TAPBPL: variants seen among roughly 807,000 people sequenced by gnomAD.
TAPBPL encodes the protein tapasin-related protein.
A neutral mutation model predicts 44.8 loss-of-function variants in TAPBPL; 32 were observed. The ratio of observed to expected loss-of-function variants is 0.71; its 90% CI spans 0.54 to 0.96. The LOEUF (loss-of-function observed/expected upper bound fraction) is 0.96. Among genes scored for constraint, TAPBPL ranks in the 40% least tolerant of loss-of-function variants. The probability of loss-of-function intolerance (pLI) is 0.00; values close to 1 mark genes in which losing one functional copy is unlikely to be tolerated. For synonymous variants in TAPBPL, 230 were observed against 240.7 expected (o/e 0.96, Z 0.41); for missense variants, 520 against 586.6 (o/e 0.89, Z 1.17).
chr12:6,467,924 G>A (rs954694929), downstream of TAPBPL, among the ~76,000 whole-genome samples: 2 of 152,152 alleles, frequency 1.3e-5, no homozygotes, highest in Non-Finnish European at 2.9e-5. Context: ...TGCACAGAAG[G>A]CAAGAACTGA....
chr12:6,453,659 C>T lies in TAPBPL; in HGVS notation c.508C>T (p.Leu170Phe), dbSNP rs1008173271. The change falls in exon 3 of 7, where the codon CTC becomes TTC. Residue 170 changes from leucine (L) to phenylalanine (F), a missense_variant. By Grantham distance (22) the Leu-to-Phe change is conservative. Transcript: ENST00000266556. This position sits in a 1 kb window ranked among gnomAD's most constrained non-coding sequence, Gnocchi z 4.8. ...KTPRVTKNEA[L>F]WHPTLNLPLS... ...TCCCAGGGTCACCAAGAATGAGGCGCTCTGGCACCCGACGCTGAACTTGCC... is the reference window on the plus strand; with the variant it reads ...TCCCAGGGTCACCAAGAATGAGGCGTTCTGGCACCCGACGCTGAACTTGCC... The T allele has an allele frequency of 1.9e-6, 3 of 1,613,442 alleles. No individual in the cohort carries two copies. The highest frequency in any genetic ancestry group is 1.3e-5 in the African/African-American group (1 of 74,906).
chr12:6,458,043 G>A (rs1296326921), intron 4 of TAPBPL, among the ~76,000 whole-genome samples: 1 of 152,170 alleles, frequency 6.6e-6, no homozygotes, highest in Non-Finnish European at 1.5e-5. Flanking sequence ...AGCAAACCAA[G>A]GCAGAGCAGT....
chr12:6,464,810 C>CCAGGCAGG (rs993116216), downstream of TAPBPL: 4 of 1,604,208 alleles, frequency 2.5e-6, no homozygotes, highest in South Asian at 1.1e-5. Flanking sequence ...GCCCCACTCC[C>CCAGGCAGG]CAGGCAGGCA....
rs1391546404 is a variant in TAPBPL at position 6,453,789 on chromosome 12, C to T, written c.565+73C>T. 18 of 1,462,690 alleles carry T rather than the reference C, an allele frequency of 1.2e-5. No individual in the cohort carries two copies. The highest frequency in any genetic ancestry group is 9.7e-5 in the East Asian group (4 of 41,406). 90.6% of individuals were successfully genotyped at this position (1,462,690 alleles called of 1,614,324 possible). ...TTCCAGAATTTTGGGATACCGAGGTCGGTGGATCACCTGAGGTCAGGAGTT... is the reference window on the plus strand; with the variant it reads ...TTCCAGAATTTTGGGATACCGAGGTTGGTGGATCACCTGAGGTCAGGAGTT... On this transcript the variant is annotated intron_variant, in intron 3 of 6. Coordinates refer to ENST00000266556, the MANE Select transcript of TAPBPL (RefSeq NM_018009.5). This position sits in a 1 kb window ranked among gnomAD's most constrained non-coding sequence, Gnocchi z 4.8.
intron 5 of TAPBPL, among the ~76,000 whole-genome samples, chr12:6,459,921 C>G (rs887216043): frequency 6.6e-6 from 1 of 151,932 alleles, no homozygotes; most frequent in Admixed American, 6.6e-5. Flanking sequence ...CAGGCGCGCA[C>G]CACCACGCCT....
chr12:6,458,784 T>C lies in TAPBPL; in HGVS notation c.1044T>C (p.Ser348=), dbSNP rs149203031. 112 of 1,614,168 alleles carry C rather than the reference T, an allele frequency of 6.9e-5. 1 individual carries two copies. In the African/African-American group the frequency reaches 1.3e-3, roughly 19 times the overall value. Residue 348 remains serine (S), a synonymous_variant, in exon 5 of 7, where the codon TCT becomes TCC. Coordinates refer to ENST00000266556, the MANE Select transcript of TAPBPL (RefSeq NM_018009.5). ...TGGGTGGATCCCCAGCCCAAGTCTC[T>C]GGTGCCTCCTTCTCCAGCCTCAGGC... ...EELGGSPAQV[S]GASFSSLRQS... is the part of the protein sequence containing the mutation.
chr12:6,452,353 T>C, intron 1 of TAPBPL, 41 bp downstream of exon 1: 1 of 1,553,898 alleles, frequency 6.4e-7, no homozygotes, highest in Non-Finnish European at 8.7e-7. Flanking sequence ...GGAGAAGAGC[T>C]ACTGAAGCCC....
At chr12:6,452,927 T>C in intron 1 of TAPBPL, 140 bp from the exon 2 acceptor site, 1 of 885,076 alleles carries the variant, frequency 1.1e-6, no homozygotes, top group South Asian at 1.7e-5. Context: ...GACGGGAGAA[T>C]AGAGGGACAC....
Position 6,460,887 on chromosome 12 carries a change from A to G in TAPBPL, c.1240A>G (p.Ser414Gly). The change falls in exon 6 of 7, where the codon AGC becomes GGC. Residue 414 changes from serine (S) to glycine (G), a missense_variant. Ser to Gly is a moderately conservative substitution (Grantham distance 56). Transcript: ENST00000266556. ...RRTALGVIFA[S>G]SLFLLALMFL... ...AACAGCCTTGGGAGTCATCTTTGCC[A>G]GCAGTCTCTTCCTTCTTGCACTGAT... The G allele has an allele frequency of 6.2e-7, 1 of 1,614,100 alleles. No individual in the cohort carries two copies. The highest frequency in any genetic ancestry group is 1.7e-5 in the Admixed American group (1 of 60,016).
intron 6 of TAPBPL, 114 bp from the exon 7 acceptor site, chr12:6,461,920 C>T: frequency 1.2e-6 from 1 of 806,704 alleles, no homozygotes; most frequent in Non-Finnish European, 2.0e-6. Context: ...GACAAGCAGG[C>T]CAAGGACCTA....
intron 5 of TAPBPL, among the ~76,000 whole-genome samples, chr12:6,460,282 T>G (rs1949814558): frequency 6.6e-6 from 1 of 152,080 alleles, no homozygotes; most frequent in Non-Finnish European, 1.5e-5. Flanking sequence ...TTGTTTTGTT[T>G]TGAGATAGGG....
chr12:6,458,521 C>T (rs990811244), intron 4 of TAPBPL, 124 bp from the exon 5 acceptor site: 12 of 1,190,576 alleles, frequency 1.0e-5, no homozygotes, highest in Non-Finnish European at 1.4e-5. Context: ...CGCCTTGGTA[C>T]ACCACCAAGG....
downstream of TAPBPL, chr12:6,470,567 CGGAGGCTGCGGCGAGACACCCGGTGAG>C (rs1945748013): frequency 6.2e-7 from 1 of 1,613,602 alleles, no homozygotes; most frequent in Non-Finnish European, 8.5e-7. Context: ...TGTTCCTCTC[CGGAGGCTGCGGCGAGACACCCGGTGAG>C]GGACGCTGCG....
intron 1 of TAPBPL, chr12:6,452,591 A>G (rs1414468327): frequency 7.4e-7 from 1 of 1,342,892 alleles, no homozygotes; most frequent in African/African-American, 1.5e-5. Context: ...CTGGGAGCTG[A>G]CACTTCAGAA....
chr12:6,459,729 T>A (rs1468493426), intron 5 of TAPBPL, among the ~76,000 whole-genome samples: 4 of 44,702 alleles, frequency 8.9e-5, no homozygotes, highest in Non-Finnish European at 1.9e-4. Flanking sequence ...AAAGGTTTTA[T>A]TTATTTATTT....
intron 3 of TAPBPL, among the ~76,000 whole-genome samples, chr12:6,456,691 C>T (rs1198672792): frequency 7.0e-6 from 1 of 143,608 alleles, no homozygotes; most frequent in Admixed American, 7.0e-5. Flanking sequence ...TTTCACTCGT[C>T]GCCCAGACTG....
chr12:6,464,827 C>CAGGG, downstream of TAPBPL: 1 of 1,609,058 alleles, frequency 6.2e-7, no homozygotes, highest in Non-Finnish European at 8.5e-7. Context: ...GGCAGGCAGG[C>CAGGG]AGGGAGAAGA....
intron 1 of TAPBPL, 25 bp downstream of exon 1, chr12:6,452,337 T>C (rs1343542051): frequency 1.9e-6 from 3 of 1,564,102 alleles, no homozygotes; most frequent in Non-Finnish European, 2.6e-6. Flanking sequence ...CGGGGAGAGC[T>C]GGCTGGGAGA....
At chr12:6,466,471 C>A, downstream of TAPBPL, 1 of 1,176,756 alleles carries the variant, frequency 8.5e-7, no homozygotes, top group East Asian at 2.6e-5. Context: ...GCGCTTGAGC[C>A]CAGGAGTTCG....
Sources: allele counts gnomAD v4.1 joint callset (sites outside exome capture counted in the v4.1 genomes callset), GRCh38; gene constraint gnomAD v4.1.1; non-coding constraint Gnocchi (gnomAD v3.1); transcripts MANE v1.5; gene names NCBI Gene and HGNC (gene_info 2026-07-23, HGNC 2026-07-21).